Variants in PTPRD observed in about 807,000 individuals in gnomAD.
The protein encoded by PTPRD is protein tyrosine phosphatase receptor type D.
In PTPRD, 34 loss-of-function variants were observed where a neutral mutation model predicts 214.5. That is an observed-to-expected ratio of 0.16 (90% confidence interval 0.12 to 0.21). The LOEUF is 0.21. Among genes scored for constraint, PTPRD ranks in the 10% least tolerant of loss-of-function variants. The pLI, the probability that PTPRD is intolerant of heterozygous loss-of-function variation, is 1.00. For missense variants in PTPRD, 2,545 were observed against 2,398.7 expected (o/e 1.06, Z -1.27); for synonymous variants, 1,128 against 845.7 (o/e 1.33, Z -5.79).
intron 7 of PTPRD, among the ~76,000 whole-genome samples, chr9:9,591,615 A>C (rs546251555): frequency 6.6e-6 from 1 of 152,186 alleles, no homozygotes; most frequent in Non-Finnish European, 1.5e-5. Flanking sequence ...ATAAGCCTTC[A>C]ATAAATTCAG....
At position 9,604,796 on chromosome 9, in the gene PTPRD, C is replaced by T. The variant is rs149895421; in HGVS notation, c.-286-30015G>A. On this transcript the variant is annotated intron_variant, in intron 7 of 45. Coordinates refer to ENST00000381196, the MANE Select transcript of PTPRD (RefSeq NM_002839.4). ...AAAGTTTACATTTTTGTTTTTAAAT[C>T]ACATGTTTTGCCATTCTTCAGTGTA... Among the ~76,000 whole-genome samples, 736 of 151,764 alleles carry T rather than the reference C, an allele frequency of 4.8e-3. 6 individuals are homozygous for T. Among genetic ancestry groups the T allele is most frequent in the African/African-American group, 0.017 (689 of 41,444 alleles).
intron 8 of PTPRD, among the ~76,000 whole-genome samples, chr9:9,469,149 T>C (rs2094422587): frequency 6.6e-6 from 1 of 152,116 alleles, no homozygotes; most frequent in Non-Finnish European, 1.5e-5. Flanking sequence ...ATATGAAATA[T>C]CTCATTAACA....
chr9:9,853,013 T>G (rs1239686202), intron 5 of PTPRD, among the ~76,000 whole-genome samples: 1 of 152,196 alleles, frequency 6.6e-6, no homozygotes. Flanking sequence ...TATAGCATCA[T>G]GTACAACACT....
chr9:9,881,070 C>G (rs1430936422), intron 5 of PTPRD, among the ~76,000 whole-genome samples: 4 of 151,960 alleles, frequency 2.6e-5, no homozygotes. Context: ...GTCTCATTAG[C>G]CATTTTGGAA....
At chr9:9,140,337 G>C (rs1334953760) in intron 10 of PTPRD, among the ~76,000 whole-genome samples, 5 of 152,028 alleles carry the variant, frequency 3.3e-5, no homozygotes, top group Admixed American at 3.3e-4. Flanking sequence ...TGGTATATGT[G>C]TACATACCCA....
chr9:9,317,610 C>T (rs1258645705), intron 9 of PTPRD, among the ~76,000 whole-genome samples: 1 of 152,026 alleles, frequency 6.6e-6, no homozygotes, highest in African/African-American at 2.4e-5. Context: ...AGTCCTGACT[C>T]TCTAGAGCTT....
intron 11 of PTPRD, among the ~76,000 whole-genome samples, chr9:8,810,254 C>CA (rs1372789975): frequency 9.2e-5 from 14 of 152,038 alleles, no homozygotes; most frequent in African/African-American, 1.4e-4. Flanking sequence ...CTATTGCACA[C>CA]AAAAAAAATC....
intron 9 of PTPRD, among the ~76,000 whole-genome samples, chr9:9,326,463 T>C (rs2039940877): frequency 6.6e-6 from 1 of 152,046 alleles, no homozygotes; most frequent in African/African-American, 2.4e-5. Context: ...AAAACAGAGA[T>C]TCAGAGACAT....
chr9:8,643,998 G>A (rs535794590), intron 12 of PTPRD, among the ~76,000 whole-genome samples: 2 of 152,266 alleles, frequency 1.3e-5, no homozygotes, highest in Non-Finnish European at 2.9e-5. Context: ...TTCTGGGACC[G>A]CCCATGGCTG....
At chr9:8,837,858 T>G (rs1376332880) in intron 11 of PTPRD, among the ~76,000 whole-genome samples, 2 of 152,126 alleles carry the variant, frequency 1.3e-5, no homozygotes. Context: ...GTGGTTTCCT[T>G]TGTTTGCCTG....
intron 5 of PTPRD, among the ~76,000 whole-genome samples, chr9:9,898,553 G>T (rs2075626229): frequency 6.6e-6 from 1 of 152,044 alleles, no homozygotes; most frequent in South Asian, 2.1e-4. Flanking sequence ...AGATGCGCAT[G>T]CTATTTCAAT....
intron 10 of PTPRD, among the ~76,000 whole-genome samples, chr9:9,088,071 G>T (rs571305931): frequency 1.3e-5 from 2 of 150,548 alleles, no homozygotes; most frequent in Non-Finnish European, 3.0e-5. Context: ...TAGTAGACAC[G>T]GGGTTTCACC....
chr9:8,333,750 C>T (rs10976966), intron 43 of PTPRD, among the ~76,000 whole-genome samples: 6,286 of 151,982 alleles, frequency 0.041, 427 homozygotes, highest in African/African-American at 0.14. Flanking sequence ...TTAAAAGACA[C>T]GGACTGGCCA....
intron 11 of PTPRD, among the ~76,000 whole-genome samples, chr9:8,788,450 T>C (rs2096085345): frequency 6.6e-6 from 1 of 151,920 alleles, no homozygotes. Flanking sequence ...TAATTTTGTA[T>C]TTTTAGTAGA....
chr9:9,602,644 CA>C (rs2093861648), intron 7 of PTPRD, among the ~76,000 whole-genome samples: 1 of 151,668 alleles, frequency 6.6e-6, no homozygotes, highest in Non-Finnish European at 1.5e-5. Flanking sequence ...TTCATTATTA[CA>C]AAAAATAGAT....
chr9:9,235,501 C>G (rs2099966044), intron 9 of PTPRD, among the ~76,000 whole-genome samples: 2 of 152,100 alleles, frequency 1.3e-5, no homozygotes, highest in South Asian at 4.1e-4. Context: ...ATTCTGAAGG[C>G]TCTCATGTTA....
At chr9:9,077,099 T>C (rs2099752309) in intron 10 of PTPRD, among the ~76,000 whole-genome samples, 1 of 152,098 alleles carries the variant, frequency 6.6e-6, no homozygotes, top group Non-Finnish European at 1.5e-5. Flanking sequence ...TTGTATGTCT[T>C]CTTTTGAAAA....
chr9:8,657,860 T>G (rs1565051392), intron 12 of PTPRD, among the ~76,000 whole-genome samples: 1 of 152,220 alleles, frequency 6.6e-6, no homozygotes, highest in Non-Finnish European at 1.5e-5. Context: ...CTTATTTCCA[T>G]GATCATAACA....
chr9:9,183,646 T>TA (rs1234164753), intron 9 of PTPRD, among the ~76,000 whole-genome samples: 1 of 152,028 alleles, frequency 6.6e-6, no homozygotes, highest in African/African-American at 2.4e-5. Context: ...ATGTCCACCA[T>TA]AAAATGGCTA....
Sources: gnomAD v4.1 joint callset for allele counts (sites outside exome capture counted in the v4.1 genomes callset) on GRCh38, gnomAD v4.1.1 for gene constraint, MANE v1.5 for transcripts, NCBI Gene and HGNC (gene_info 2026-07-23, HGNC 2026-07-21) for gene names.